Variants in FGF14 observed in about 807,000 individuals in gnomAD.
FGF14 encodes fibroblast growth factor homologous factor 4.
Under a neutral mutation model 25.5 loss-of-function variants are expected in FGF14, and 5 were observed. That is an observed-to-expected ratio of 0.20 (90% CI 0.10 to 0.41). The LOEUF (loss-of-function observed/expected upper bound fraction) is 0.41. FGF14 is among the 10% of genes least tolerant of loss of function. The pLI, the probability that FGF14 is intolerant of heterozygous loss-of-function variation, is 1.00. For synonymous variants in FGF14, 138 were observed against 118.3 expected (o/e 1.17, Z -1.08); for missense variants, 222 against 320.1 (o/e 0.69, Z 2.34).
chr13:101,756,214 T>A (rs1379996431), intron 3 of FGF14, among the ~76,000 whole-genome samples: 2 of 152,208 alleles, frequency 1.3e-5, no homozygotes, highest in African/African-American at 2.4e-5. Flanking sequence ...TAGATTAAAG[T>A]TAAAAATTTA....
intron 1 of FGF14, among the ~76,000 whole-genome samples, chr13:102,336,626 C>T (rs2056796333): frequency 6.6e-6 from 1 of 152,118 alleles, no homozygotes; most frequent in African/African-American, 2.4e-5. Flanking sequence ...GTATATGAAA[C>T]AGCCAGCTAT....
chr13:102,311,708 G>C (rs1414737156), intron 1 of FGF14, among the ~76,000 whole-genome samples: 6 of 152,184 alleles, frequency 3.9e-5, no homozygotes, highest in Non-Finnish European at 7.4e-5. Context: ...ACAAAGAACT[G>C]AGCTATTTTA....
chr13:101,921,337 G>C (rs1170042619), upstream of FGF14, among the ~76,000 whole-genome samples: 1 of 152,142 alleles, frequency 6.6e-6, no homozygotes, highest in Non-Finnish European at 1.5e-5. Flanking sequence ...CTTCTACAAA[G>C]ATGTCTGATA....
intron 1 of FGF14, among the ~76,000 whole-genome samples, chr13:102,250,409 C>A (rs917834121): frequency 6.6e-6 from 1 of 152,120 alleles, no homozygotes; most frequent in East Asian, 1.9e-4. Context: ...GTTTTTATAG[C>A]AAGAGGAATT....
chr13:102,044,810 A>G (rs2041907298), intron 1 of FGF14, among the ~76,000 whole-genome samples: 1 of 152,112 alleles, frequency 6.6e-6, no homozygotes, highest in Admixed American at 6.6e-5. Flanking sequence ...AATTTCAAGC[A>G]TTTTATTTGG....
chr13:102,384,937 C>T (rs1595019805), intron 1 of FGF14, among the ~76,000 whole-genome samples: 1 of 152,262 alleles, frequency 6.6e-6, no homozygotes, highest in Middle Eastern at 3.4e-3. Context: ...GAGATTTTCA[C>T]CTTTTGTTCT....
intron 2 of FGF14, among the ~76,000 whole-genome samples, chr13:101,870,029 C>G (rs2044962763): frequency 6.6e-6 from 1 of 152,098 alleles, no homozygotes; most frequent in Admixed American, 6.5e-5. Context: ...CAGGCCAGAG[C>G]CATGAATATT....
intron 1 of FGF14, among the ~76,000 whole-genome samples, chr13:102,324,237 T>C (rs1183459685): frequency 6.6e-6 from 1 of 152,104 alleles, no homozygotes; most frequent in Non-Finnish European, 1.5e-5. Flanking sequence ...ACCCTCTTTC[T>C]AGTGCCCTCC....
intron 1 of FGF14, among the ~76,000 whole-genome samples, chr13:102,203,580 A>G (rs1248680023): frequency 6.6e-6 from 1 of 152,222 alleles, no homozygotes; most frequent in Non-Finnish European, 1.5e-5. Flanking sequence ...AGAGGATATT[A>G]GTGAAATTTA....
upstream of FGF14, chr13:102,402,109 C>T (rs2058713751): frequency 5.3e-6 from 1 of 188,686 alleles, no homozygotes. Context: ...AAAAACACCA[C>T]CACACACACT....
intron 1 of FGF14, chr13:102,373,308 T>C (rs1355961821): frequency 6.6e-6 from 1 of 152,168 alleles, no homozygotes; most frequent in African/African-American, 2.4e-5. Context: ...TAAATTACCT[T>C]CCTGTGAAGC....
chr13:102,001,271 C>G (rs998589037), intron 1 of FGF14, among the ~76,000 whole-genome samples: 1 of 152,084 alleles, frequency 6.6e-6, no homozygotes, highest in Non-Finnish European at 1.5e-5. Context: ...TATTTTATGA[C>G]TGGAAATAAG....
At chr13:102,396,083 A>T (rs779326148) in intron 1 of FGF14, among the ~76,000 whole-genome samples, 1 of 152,144 alleles carries the variant, frequency 6.6e-6, no homozygotes, top group Non-Finnish European at 1.5e-5. Context: ...GCCCTTCAGT[A>T]CCCGGGTTCA....
At chr13:102,072,050 T>C (rs1167921224) in intron 1 of FGF14, among the ~76,000 whole-genome samples, 8 of 152,128 alleles carry the variant, frequency 5.3e-5, no homozygotes, top group Admixed American at 2.0e-4. Flanking sequence ...ATCATGAAAA[T>C]TGAGAGGCAG....
At chr13:101,829,429 C>T (rs2042562748) in intron 3 of FGF14, among the ~76,000 whole-genome samples, 1 of 152,000 alleles carries the variant, frequency 6.6e-6, no homozygotes, top group South Asian at 2.1e-4. Context: ...AGCCTGAAAA[C>T]AGGAGTTTTA....
At chr13:101,776,931 G>C (rs2140004513) in intron 3 of FGF14, among the ~76,000 whole-genome samples, 1 of 152,266 alleles carries the variant, frequency 6.6e-6, no homozygotes, top group East Asian at 1.9e-4. Context: ...GGGTGGAAAG[G>C]GCAAGGGTTG....
At chr13:101,997,555 T>C (rs1262988709) in intron 1 of FGF14, among the ~76,000 whole-genome samples, 1 of 152,232 alleles carries the variant, frequency 6.6e-6, no homozygotes, top group Non-Finnish European at 1.5e-5. Context: ...TAAAAGCAGA[T>C]TGCTGGACCC....
Position 102,356,928 on chromosome 13 carries a change from C to CATATATAT in FGF14, c.208+44535_208+44542dup, listed in dbSNP as rs3066054. Among the ~76,000 whole-genome samples the CATATATAT allele has an allele frequency of 2.7e-3, 380 of 142,004 alleles. 3 individuals are homozygous for CATATATAT. The highest frequency in any genetic ancestry group is 8.8e-3 in the African/African-American group (338 of 38,432). The allele number at this position is 142,004 out of a possible 152,430, so 93.2% of individuals were successfully genotyped here. A position where few individuals can be genotyped will look rare whatever the true frequency, so the allele number is the denominator to read the frequency against. On this transcript the variant is annotated intron_variant, in intron 1 of 4. Coordinates refer to the FGF14 transcript ENST00000376131. ...AAGTATGATTTTAATCTATAAAATG[C>CATATATAT]ATATATATATATATATATATACACA... is the stretch of plus-strand genomic sequence containing the variant.
At chr13:101,910,272 A>G (rs951427045) in intron 1 of FGF14, among the ~76,000 whole-genome samples, 1 of 152,128 alleles carries the variant, frequency 6.6e-6, no homozygotes, top group African/African-American at 2.4e-5. Flanking sequence ...AGTAAATCAG[A>G]CCAAAATAAT....
Sources: allele counts gnomAD v4.1 joint callset (sites outside exome capture counted in the v4.1 genomes callset), GRCh38; gene constraint gnomAD v4.1.1; transcripts MANE v1.5; gene names NCBI Gene and HGNC (gene_info 2026-07-23, HGNC 2026-07-21).